The following CTNNA2 variants were observed in gnomAD, a reference collection of about 807,000 sequenced individuals.
The protein encoded by CTNNA2 is catenin alpha-2.
CTNNA2 carries 42 observed loss-of-function variants against 101.0 expected under a neutral mutation model. The ratio of observed to expected loss-of-function variants is 0.42; its 90% CI spans 0.32 to 0.54. The LOEUF is 0.54. Ranked by LOEUF, CTNNA2 falls within the 20% of genes least tolerant of loss-of-function variation. The probability of loss-of-function intolerance (pLI) is 0.14; values close to 1 mark genes in which losing one functional copy is unlikely to be tolerated. For missense variants in CTNNA2, 871 were observed against 1,223.1 expected (o/e 0.71, Z 4.29); for synonymous variants, 450 against 456.4 (o/e 0.99, Z 0.18).
intron 7 of CTNNA2, among the ~76,000 whole-genome samples, chr2:80,349,391 G>T (rs1182838215): frequency 2.0e-5 from 3 of 152,114 alleles, no homozygotes; most frequent in Non-Finnish European, 1.5e-5. Flanking sequence ...TATTGGGGAT[G>T]GGTATATTCT....
At chr2:79,794,518 C>T (rs1675543363) in intron 3 of CTNNA2, among the ~76,000 whole-genome samples, 1 of 152,122 alleles carries the variant, frequency 6.6e-6, no homozygotes, top group Non-Finnish European at 1.5e-5. Context: ...TAAACATACC[C>T]ATCACCTTCC....
At chr2:80,243,577 A>G (rs926447751) in intron 7 of CTNNA2, among the ~76,000 whole-genome samples, 2 of 152,186 alleles carry the variant, frequency 1.3e-5, no homozygotes, top group African/African-American at 4.8e-5. Context: ...TTTGGGATTT[A>G]TCTACATTGC....
At chr2:80,205,286 A>G (rs1410059394) in intron 7 of CTNNA2, among the ~76,000 whole-genome samples, 1 of 152,206 alleles carries the variant, frequency 6.6e-6, no homozygotes, top group African/African-American at 2.4e-5. Context: ...AAGAAAAAAA[A>G]CCATACACAC....
intron 1 of CTNNA2, among the ~76,000 whole-genome samples, chr2:79,560,191 C>A (rs1474201248): frequency 6.6e-6 from 1 of 151,376 alleles, no homozygotes; most frequent in Non-Finnish European, 1.5e-5. Flanking sequence ...AAATTAGTAT[C>A]AAAACTTGGG....
chr2:80,576,786 T>TAAAAAAAAAAAAAAA (rs1558606620), intron 13 of CTNNA2, among the ~76,000 whole-genome samples: 4 of 112,100 alleles, frequency 3.6e-5, no homozygotes, highest in Non-Finnish European at 5.3e-5. Context: ...CTGTCTCTAC[T>TAAAAAAAAAAAAAAA]GAAAAAAAAA....
chr2:79,268,540 G>T (rs138480932), intron 2 of CTNNA2, among the ~76,000 whole-genome samples: 3 of 152,214 alleles, frequency 2.0e-5, no homozygotes, highest in Non-Finnish European at 4.4e-5. Flanking sequence ...GGGGGTGAGG[G>T]GAACCCCAAT....
rs141844778 is a variant in CTNNA2 at position 80,186,915 on chromosome 2, C to T, written c.1057-206296C>T. Among the ~76,000 whole-genome samples, 239 of 152,354 alleles carry T rather than the reference C, an allele frequency of 1.6e-3. 1 individual carries two copies. Among genetic ancestry groups the T allele is most frequent in the African/African-American group, 5.4e-3 (224 of 41,588 alleles). On this transcript the variant is annotated intron_variant, in intron 7 of 18. Transcript: ENST00000402739. ...CCAGAAATCTGCAAAAGAAGGGTTCCTGCTGGAATATTGCCTCAGTACTAA... is the reference window on the plus strand; with the variant it reads ...CCAGAAATCTGCAAAAGAAGGGTTCTTGCTGGAATATTGCCTCAGTACTAA...
intron 9 of CTNNA2, among the ~76,000 whole-genome samples, chr2:80,530,296 T>C (rs1239085364): frequency 6.6e-6 from 1 of 152,150 alleles, no homozygotes. Context: ...ATTTCAGAGC[T>C]GAGCAAGGAG....
chr2:79,981,436 T>C (rs1276885406), intron 7 of CTNNA2, among the ~76,000 whole-genome samples: 1 of 152,184 alleles, frequency 6.6e-6, no homozygotes, highest in Admixed American at 6.5e-5. Context: ...CTTTTAGTTT[T>C]CCCTGCTTTG....
intron 6 of CTNNA2, among the ~76,000 whole-genome samples, chr2:79,899,983 C>T (rs1328437564): frequency 6.6e-6 from 1 of 152,164 alleles, no homozygotes; most frequent in Non-Finnish European, 1.5e-5. Context: ...ATTATTGATA[C>T]ACTACAGGGA....
At chr2:79,265,000 C>T (rs1434196603) in intron 2 of CTNNA2, among the ~76,000 whole-genome samples, 1 of 152,166 alleles carries the variant, frequency 6.6e-6, no homozygotes, top group Non-Finnish European at 1.5e-5. Context: ...CCTCCCACTG[C>T]ATTTTTCATT....
At position 79,683,971 on chromosome 2, in the gene CTNNA2, G is replaced by A. The variant is rs553589202; in HGVS notation, c.102+32313G>A. ...CTGTCACTGAAGGAGAGACTTGTTCGTAGCACTGTGCCCTATTGCTAATCT... is the reference window on the plus strand; with the variant it reads ...CTGTCACTGAAGGAGAGACTTGTTCATAGCACTGTGCCCTATTGCTAATCT... On this transcript the variant is annotated intron_variant, in intron 2 of 18. Coordinates refer to ENST00000402739, the MANE Select transcript of CTNNA2 (RefSeq NM_001282597.3). Among the ~76,000 whole-genome samples the A allele has an allele frequency of 3.9e-5, 6 of 152,202 alleles. No individual in the cohort carries two copies. In the East Asian group the frequency reaches 7.7e-4, roughly 20 times the overall value.
At chr2:80,213,037 T>A (rs1708005455) in intron 7 of CTNNA2, among the ~76,000 whole-genome samples, 1 of 152,216 alleles carries the variant, frequency 6.6e-6, no homozygotes, top group South Asian at 2.1e-4. Context: ...GTAGTTTGTA[T>A]CTCTGTGGGA....
At chr2:79,274,220 C>T (rs957429012) in intron 2 of CTNNA2, among the ~76,000 whole-genome samples, 1 of 151,966 alleles carries the variant, frequency 6.6e-6, no homozygotes, top group Non-Finnish European at 1.5e-5. Flanking sequence ...AAGAACTCAA[C>T]CTCACTATTT....
chr2:80,431,110 A>G (rs143665805), intron 9 of CTNNA2, among the ~76,000 whole-genome samples: 74 of 152,300 alleles, frequency 4.9e-4, no homozygotes, highest in African/African-American at 1.4e-3. Flanking sequence ...TAATGTCACA[A>G]AGCCTTCTAG....
At chr2:79,420,187 A>T (rs555574447) in intron 4 of CTNNA2, among the ~76,000 whole-genome samples, 2 of 152,320 alleles carry the variant, frequency 1.3e-5, no homozygotes, top group East Asian at 3.9e-4. Flanking sequence ...GCAAGAGCCT[A>T]GAATACAAGG....
At chr2:80,464,112 G>C (rs957822347) in intron 9 of CTNNA2, among the ~76,000 whole-genome samples, 1 of 152,038 alleles carries the variant, frequency 6.6e-6, no homozygotes, top group Non-Finnish European at 1.5e-5. Flanking sequence ...CTCTCTGCCA[G>C]CCTCCAAGCA....
intron 4 of CTNNA2, among the ~76,000 whole-genome samples, chr2:79,374,518 A>ATTT (rs540694376): frequency 1.1e-5 from 1 of 89,240 alleles, no homozygotes; most frequent in Admixed American, 1.2e-4. Flanking sequence ...TAATATATAT[A>ATTT]TATTTTTCTA....
intron 18 of CTNNA2, among the ~76,000 whole-genome samples, chr2:80,623,103 G>C (rs983800370): frequency 6.9e-6 from 1 of 144,814 alleles, no homozygotes; most frequent in African/African-American, 2.5e-5. Flanking sequence ...TGTTTCAAGA[G>C]AAAAATGATG....
Sources: allele counts gnomAD v4.1 joint callset (sites outside exome capture counted in the v4.1 genomes callset), GRCh38; gene constraint gnomAD v4.1.1; transcripts MANE v1.5; gene names NCBI Gene and HGNC (gene_info 2026-07-23, HGNC 2026-07-21).